TCF7L1: variants seen among roughly 807,000 people sequenced by gnomAD.
TCF7L1 encodes the protein transcription factor 7 like 1, also known as transcription factor 7-like 1.
In TCF7L1, 18 loss-of-function variants were observed where a neutral mutation model predicts 63.7. The observed-to-expected ratio is 0.28, with a 90% CI of 0.20 to 0.42. The LOEUF (loss-of-function observed/expected upper bound fraction) is 0.42, where lower values mean the gene tolerates loss of function less well. Among genes scored for constraint, TCF7L1 ranks in the 10% least tolerant of loss-of-function variants. The pLI, the probability that TCF7L1 is intolerant of heterozygous loss-of-function variation, is 1.00. For missense variants in TCF7L1, 654 were observed against 779.3 expected, an observed-to-expected ratio of 0.84 and a Z score of 1.91; for synonymous variants, 355 against 340.9, an observed-to-expected ratio of 1.04 and a Z score of -0.46.
intron 3 of TCF7L1, among the ~76,000 whole-genome samples, chr2:85,213,185 G>A (rs1679615082): frequency 6.6e-6 from 1 of 152,088 alleles, no homozygotes; most frequent in Non-Finnish European, 1.5e-5. Flanking sequence ...GTGCATGAAT[G>A]GACCCCAGCT....
chr2:85,234,124 T>C (rs1680144474), intron 3 of TCF7L1, among the ~76,000 whole-genome samples: 2 of 148,756 alleles, frequency 1.3e-5, no homozygotes, highest in Admixed American at 6.7e-5. Flanking sequence ...CTTTTCTTTT[T>C]TCTTTTCTTT....
At chr2:85,211,125 T>C (rs1202823444) in intron 3 of TCF7L1, among the ~76,000 whole-genome samples, 1 of 152,224 alleles carries the variant, frequency 6.6e-6, no homozygotes, top group Admixed American at 6.5e-5. Flanking sequence ...GCCTGAGAGC[T>C]CTGAGAATTT....
At chr2:85,184,263 CAGG>C (rs983498733) in intron 3 of TCF7L1, among the ~76,000 whole-genome samples, 1 of 152,052 alleles carries the variant, frequency 6.6e-6, no homozygotes, top group Non-Finnish European at 1.5e-5. Flanking sequence ...TTTGGGTGAG[CAGG>C]AGGAGAGGAC....
At chr2:85,295,808 C>T (rs1211763962) in intron 4 of TCF7L1, among the ~76,000 whole-genome samples, 2 of 116,088 alleles carry the variant, frequency 1.7e-5, no homozygotes, top group African/African-American at 3.6e-5. Flanking sequence ...GAGACCGTCT[C>T]GTTCTGTCGC....
intron 3 of TCF7L1, among the ~76,000 whole-genome samples, chr2:85,240,029 A>G (rs1016005368): frequency 2.0e-5 from 3 of 152,196 alleles, no homozygotes; most frequent in South Asian, 2.1e-4. Flanking sequence ...ATGTAACCCA[A>G]TTCATCAACA....
chr2:85,234,522 C>T (rs542652409), intron 3 of TCF7L1, among the ~76,000 whole-genome samples: 1 of 152,122 alleles, frequency 6.6e-6, no homozygotes, highest in African/African-American at 2.4e-5. Flanking sequence ...TGAAGGAATG[C>T]CCCCATTCTT....
intron 3 of TCF7L1, among the ~76,000 whole-genome samples, chr2:85,249,354 A>G (rs776826253): frequency 6.6e-5 from 10 of 152,068 alleles, no homozygotes; most frequent in Non-Finnish European, 1.3e-4. Flanking sequence ...AGTCCTGGGT[A>G]TTTGCTCTGG....
intron 3 of TCF7L1, among the ~76,000 whole-genome samples, chr2:85,274,248 G>A (rs2104359261): frequency 6.6e-6 from 1 of 152,338 alleles, no homozygotes; most frequent in Non-Finnish European, 1.5e-5. Context: ...GAGGCAGCTT[G>A]CGACTCAGCA....
chr2:85,200,296 G>A (rs556332319), intron 3 of TCF7L1, among the ~76,000 whole-genome samples: 4 of 152,232 alleles, frequency 2.6e-5, no homozygotes, highest in South Asian at 2.1e-4. Flanking sequence ...GGGTTAGGAC[G>A]CCAACCCCTC....
At chr2:85,265,139 A>G (rs1341789161) in intron 3 of TCF7L1, among the ~76,000 whole-genome samples, 1 of 152,186 alleles carries the variant, frequency 6.6e-6, no homozygotes, top group Non-Finnish European at 1.5e-5. Flanking sequence ...GGGCTGTGAA[A>G]GAAGAGTGTA....
chr2:85,219,220 A>G (rs1469144292), intron 3 of TCF7L1, among the ~76,000 whole-genome samples: 1 of 152,246 alleles, frequency 6.6e-6, no homozygotes, highest in African/African-American at 2.4e-5. Flanking sequence ...AAGCAGGATC[A>G]GAGAAATGCA....
intron 3 of TCF7L1, among the ~76,000 whole-genome samples, chr2:85,227,365 G>A (rs1344422712): frequency 3.3e-5 from 5 of 151,622 alleles, no homozygotes; most frequent in African/African-American, 7.3e-5. Flanking sequence ...CTTGAACAAC[G>A]CCTGGGTTTT....
At chr2:85,262,133 G>T in intron 3 of TCF7L1, 2 of 545,224 alleles carry the variant, frequency 3.7e-6, no homozygotes, top group Non-Finnish European at 7.5e-6. Context: ...AATCTCTTCC[G>T]CATCATCTAA....
At chr2:85,285,737 G>A (rs1478299718) in intron 4 of TCF7L1, among the ~76,000 whole-genome samples, 1 of 152,172 alleles carries the variant, frequency 6.6e-6, no homozygotes, top group Non-Finnish European at 1.5e-5. Context: ...TCCCCCCAGT[G>A]CAGCCATCTC....
At chr2:85,169,205 C>A (rs1355926276) in intron 3 of TCF7L1, among the ~76,000 whole-genome samples, 1 of 152,152 alleles carries the variant, frequency 6.6e-6, no homozygotes, top group Non-Finnish European at 1.5e-5. Context: ...TCCTTCTCAT[C>A]AGTCCTTCAT....
At chr2:85,272,128 G>A (rs929965969) in intron 3 of TCF7L1, among the ~76,000 whole-genome samples, 13 of 152,286 alleles carry the variant, frequency 8.5e-5, no homozygotes, top group African/African-American at 3.1e-4. Flanking sequence ...GAAGGCTGCT[G>A]CAGGGGCTCC....
intron 3 of TCF7L1, among the ~76,000 whole-genome samples, chr2:85,211,112 G>A (rs1679530748): frequency 6.6e-6 from 1 of 152,228 alleles, no homozygotes; most frequent in South Asian, 2.1e-4. Flanking sequence ...AAGACAAACA[G>A]TGGCCTGAGA....
chr2:85,178,052 C>G (rs747311683), intron 3 of TCF7L1, among the ~76,000 whole-genome samples: 6 of 152,080 alleles, frequency 3.9e-5, no homozygotes, highest in Non-Finnish European at 7.4e-5. Flanking sequence ...AAGACAGGAG[C>G]AGGGCCCCCG....
intron 11 of TCF7L1, 48 bp downstream of exon 11, chr2:85,307,765 A>G (rs372515633): frequency 9.4e-5 from 144 of 1,533,144 alleles, no homozygotes; most frequent in Non-Finnish European, 1.3e-4. Flanking sequence ...CTTTTGTCAC[A>G]GCCACACCTG....
Sources: allele counts gnomAD v4.1 joint callset (sites outside exome capture counted in the v4.1 genomes callset), GRCh38; gene constraint gnomAD v4.1.1; transcripts MANE v1.5; gene names NCBI Gene and HGNC (gene_info 2026-07-23, HGNC 2026-07-21).